SRRM3: variants seen among roughly 807,000 people sequenced by gnomAD.
SRRM3 encodes the protein serine/arginine repetitive matrix 3.
A neutral mutation model predicts 66.2 loss-of-function variants in SRRM3; 27 were observed. The observed-to-expected ratio is 0.41, with a 90% CI of 0.30 to 0.56. The LOEUF is 0.56. Ranked by LOEUF, SRRM3 falls within the 20% of genes least tolerant of loss-of-function variation. SRRM3 has a pLI of 0.32. For synonymous variants in SRRM3, 391 were observed against 414.9 expected, an observed-to-expected ratio of 0.94 and a Z score of 0.70; for missense variants, 918 against 991.9, an observed-to-expected ratio of 0.93 and a Z score of 1.00.
chr7:76,277,716 C>CAAAAAAAAAAAAAAAAAAAAAA (rs386353056), intron 11 of SRRM3, among the ~76,000 whole-genome samples: 1 of 102,762 alleles, frequency 9.7e-6, no homozygotes, highest in Non-Finnish European at 1.8e-5. Flanking sequence ...TAAACAACAA[C>CAAAAAAAAAAAAAAAAAAAAAA]AAAAAAAAAA....
intron 2 of SRRM3, among the ~76,000 whole-genome samples, chr7:76,246,425 A>T (rs1443690995): frequency 6.6e-6 from 1 of 152,082 alleles, no homozygotes; most frequent in Non-Finnish European, 1.5e-5. Flanking sequence ...TTAGCCAGGC[A>T]TGGTGGCAGG....
chr7:76,251,656 G>A (rs903269888), intron 3 of SRRM3, among the ~76,000 whole-genome samples: 2 of 152,208 alleles, frequency 1.3e-5, no homozygotes, highest in South Asian at 4.1e-4. Context: ...TTACAGGCGT[G>A]AGCCACCGCG....
intron 2 of SRRM3, among the ~76,000 whole-genome samples, chr7:76,244,390 T>A (rs577640935): frequency 5.3e-5 from 8 of 152,174 alleles, no homozygotes; most frequent in African/African-American, 1.7e-4. Context: ...CTGGGCATGG[T>A]GGCGGATGCC....
chr7:76,232,172 G>A (rs1801032328), intron 1 of SRRM3, among the ~76,000 whole-genome samples: 1 of 152,192 alleles, frequency 6.6e-6, no homozygotes, highest in African/African-American at 2.4e-5. Context: ...GCTAGGAGTT[G>A]AAAGCTAAGC....
At position 76,260,869 on chromosome 7, in the gene SRRM3, C is replaced by T; in HGVS notation, c.546-5C>T. ...CTGTCCTTTCTTCCTGGCATCTGCC[C>T]TCAGCAAAAAGAGGAGACTGGAGTC... On this transcript the variant is annotated splice_region_variant and splice_polypyrimidine_tract_variant and intron_variant, in intron 5 of 14. Coordinates refer to ENST00000611745, the MANE Select transcript of SRRM3 (RefSeq NM_001110199.3). The T allele has an allele frequency of 6.4e-7, 1 of 1,559,658 alleles. No homozygotes were observed. The highest frequency in any genetic ancestry group is 8.7e-7 in the Non-Finnish European group (1 of 1,151,308).
At chr7:76,207,562 A>C (rs1385353159) in intron 1 of SRRM3, among the ~76,000 whole-genome samples, 2 of 152,084 alleles carry the variant, frequency 1.3e-5, no homozygotes, top group African/African-American at 4.8e-5. Context: ...GCATTCTCTG[A>C]TGTCTTTAAA....
chr7:76,232,772 G>A (rs139486487), intron 1 of SRRM3, among the ~76,000 whole-genome samples: 97 of 152,242 alleles, frequency 6.4e-4, no homozygotes, highest in African/African-American at 2.3e-3. Context: ...CAGGAGGCAG[G>A]GCCATGTTAC....
intron 1 of SRRM3, among the ~76,000 whole-genome samples, chr7:76,209,279 G>A (rs1800374272): frequency 1.3e-5 from 2 of 152,170 alleles, no homozygotes; most frequent in African/African-American, 4.8e-5. Context: ...GGAGCTTCTG[G>A]ACCAGTGGAA....
intron 2 of SRRM3, among the ~76,000 whole-genome samples, chr7:76,241,099 G>A (rs1406259028): frequency 6.6e-6 from 1 of 152,138 alleles, no homozygotes; most frequent in Non-Finnish European, 1.5e-5. Context: ...GTTTCACCAT[G>A]TTGGCCAGGC....
In SRRM3 at chr7:76,262,472, T is replaced by C. The variant is rs80270063; in HGVS notation, c.674+891T>C. On this transcript the variant is annotated intron_variant, in intron 8 of 14. Coordinates refer to ENST00000611745, the MANE Select transcript of SRRM3 (RefSeq NM_001110199.3). ...AGTGAGCCAAGAGATTGCAGTGGAG[T>C]GCACAGCACTCCAGCCTGGGTGACA... 5.1e-3 allele frequency among the ~76,000 whole-genome samples: 648 copies of C among 128,272 alleles called. 7 individuals carry two copies. The highest frequency in any genetic ancestry group is 0.019 in the African/African-American group (609 of 32,358). The allele number at this position is 128,272 out of a possible 152,430, so 84.2% of individuals were successfully genotyped here.
chr7:76,258,600 G>A (rs1801774436), intron 3 of SRRM3, among the ~76,000 whole-genome samples: 1 of 151,572 alleles, frequency 6.6e-6, no homozygotes, highest in South Asian at 2.1e-4. Context: ...TGTAGTCCCA[G>A]CTACTCGGGA....
At chr7:76,247,883 C>A (rs1407316487) in intron 2 of SRRM3, among the ~76,000 whole-genome samples, 1 of 152,060 alleles carries the variant, frequency 6.6e-6, no homozygotes, top group Non-Finnish European at 1.5e-5. Flanking sequence ...TTAGTAGAGA[C>A]AGGGTTTCGC....
intron 3 of SRRM3, among the ~76,000 whole-genome samples, chr7:76,250,966 G>T (rs1356291109): frequency 6.6e-6 from 1 of 152,204 alleles, no homozygotes; most frequent in Non-Finnish European, 1.5e-5. Flanking sequence ...AGCAGAGAGG[G>T]TGGACCCTTT....
chr7:76,285,941 C>A lies in SRRM3; in HGVS notation c.*98C>A. ...GGAGGGGGCTATATCTCCTTGCCCC[C>A]AAGGCTACAAAGAGGTCTCAGGGCC... On this transcript the variant is annotated 3_prime_UTR_variant, in exon 15 of 15. Coordinates refer to ENST00000611745, the MANE Select transcript of SRRM3 (RefSeq NM_001110199.3). This position sits in a 1 kb window ranked among gnomAD's most constrained non-coding sequence, Gnocchi z 4.1. 2.3e-6 allele frequency: 3 copies of A among 1,324,156 alleles called. No homozygotes were observed. Among genetic ancestry groups the A allele is most frequent in the Non-Finnish European group, 3.1e-6 (3 of 977,632 alleles). The allele number at this position is 1,324,156 out of a possible 1,614,324, so 82.0% of individuals were successfully genotyped here.
At chr7:76,208,008 AC>A (rs1800342410) in intron 1 of SRRM3, among the ~76,000 whole-genome samples, 1 of 152,224 alleles carries the variant, frequency 6.6e-6, no homozygotes, top group Non-Finnish European at 1.5e-5. Context: ...CTTGGGTGGC[AC>A]AGCTTTGGGG....
At chr7:76,245,090 C>T (rs1231427005) in intron 2 of SRRM3, among the ~76,000 whole-genome samples, 1 of 152,180 alleles carries the variant, frequency 6.6e-6, no homozygotes. Flanking sequence ...ATTGAACCTG[C>T]GATGGGGGGA....
chr7:76,236,005 C>CAAAAAAAAAAAAAA (rs1161706465), intron 2 of SRRM3, among the ~76,000 whole-genome samples: 527 of 20,258 alleles, frequency 0.026, 75 homozygotes, highest in Middle Eastern at 0.059. Context: ...GATTCTGTCT[C>CAAAAAAAAAAAAAA]AAAAAAAAAA....
chr7:76,212,161 G>GC (rs1800449263), intron 1 of SRRM3, among the ~76,000 whole-genome samples: 1 of 104,100 alleles, frequency 9.6e-6, no homozygotes, highest in South Asian at 3.5e-4. Flanking sequence ...GCTGAGGTCT[G>GC]CTTTTTTTTT....
intron 1 of SRRM3, 66 bp from the exon 2 acceptor site, chr7:76,234,962 C>G: frequency 1.1e-6 from 1 of 901,350 alleles, no homozygotes; most frequent in Non-Finnish European, 1.6e-6. Context: ...TTAACTCCAG[C>G]AGAGAGGAGC....
Sources: allele counts gnomAD v4.1 joint callset (sites outside exome capture counted in the v4.1 genomes callset), GRCh38; gene constraint gnomAD v4.1.1; non-coding constraint Gnocchi (gnomAD v3.1); transcripts MANE v1.5; gene names NCBI Gene and HGNC (gene_info 2026-07-23, HGNC 2026-07-21).